IL1RAPL1: variants seen among roughly 807,000 people sequenced by gnomAD.
IL1RAPL1 encodes the protein interleukin 1 receptor accessory protein like 1, also known as interleukin-1 receptor accessory protein-like 1.
A neutral mutation model predicts 48.4 loss-of-function variants in IL1RAPL1; 3 were observed. That is an observed-to-expected ratio of 0.06 (90% CI 0.03 to 0.16). The LOEUF (loss-of-function observed/expected upper bound fraction) is 0.16, where lower values mean the gene tolerates loss of function less well. IL1RAPL1 is among the 10% of genes least tolerant of loss of function. The pLI, the probability that IL1RAPL1 is intolerant of heterozygous loss-of-function variation, is 1.00. For synonymous variants in IL1RAPL1, 185 were observed against 187.7 expected, an observed-to-expected ratio of 0.99 and a Z score of 0.12; for missense variants, 349 against 530.6, an observed-to-expected ratio of 0.66 and a Z score of 3.36.
chrX:28,945,887 G>GTGTA (rs1555943996), intron 2 of IL1RAPL1, among the ~76,000 whole-genome samples: 5 of 58,429 alleles, frequency 8.6e-5, no homozygotes, highest in Admixed American at 1.7e-4. Context: ...ATATATGTAT[G>GTGTA]TATATATATA....
intron 5 of IL1RAPL1, among the ~76,000 whole-genome samples, chrX:29,403,388 C>T (rs1418964476): frequency 9.1e-6 from 1 of 109,552 alleles, no homozygotes; most frequent in African/African-American, 3.3e-5. Flanking sequence ...TACTTTCCTA[C>T]TTTCTGGCCC....
intron 5 of IL1RAPL1, among the ~76,000 whole-genome samples, chrX:29,582,349 C>T (rs5927831): frequency 0.37 from 32,654 of 88,822 alleles, 3,729 homozygotes; most frequent in South Asian, 0.53. Flanking sequence ...AAGATAGCAT[C>T]TTTTTTTTTT....
intron 2 of IL1RAPL1, among the ~76,000 whole-genome samples, chrX:28,842,358 G>A (rs1372801161): frequency 1.8e-5 from 2 of 110,951 alleles, no homozygotes; most frequent in Admixed American, 1.9e-4. Context: ...GATTCAACCT[G>A]TATAAAAAAT....
chrX:29,519,473 G>A (rs764691695), intron 5 of IL1RAPL1, among the ~76,000 whole-genome samples: 16 of 111,659 alleles, frequency 1.4e-4, no homozygotes, highest in African/African-American at 4.9e-4. Context: ...ATCAACACTG[G>A]TCACTGCAGC....
In IL1RAPL1 at chrX:29,148,966, A is replaced by G. The variant is rs1929405517; in HGVS notation, c.83-133972A>G. On this transcript the variant is annotated intron_variant, in intron 2 of 10. Coordinates refer to ENST00000378993, the MANE Select transcript of IL1RAPL1 (RefSeq NM_014271.4). Reference sequence around the variant, plus strand: ...AGTCCTGTCAATACCAGCACTCTGAAGTCTTGCCCTGCTTGATAATCATTT... The same window carrying G: ...AGTCCTGTCAATACCAGCACTCTGAGGTCTTGCCCTGCTTGATAATCATTT... 3.6e-5 allele frequency among the ~76,000 whole-genome samples: 4 copies of G among 111,233 alleles called. No homozygotes were observed. The South Asian group carries it at 1.1e-3, about 32-fold the overall frequency.
chrX:28,775,092 T>G (rs938784310), intron 1 of IL1RAPL1, among the ~76,000 whole-genome samples: 2 of 112,199 alleles, frequency 1.8e-5, no homozygotes, highest in Non-Finnish European at 3.8e-5. Context: ...TTTTCTTCCT[T>G]TCTTTTGTTC....
chrX:28,779,717 C>T (rs1046843380), intron 1 of IL1RAPL1, among the ~76,000 whole-genome samples: 1 of 92,292 alleles, frequency 1.1e-5, no homozygotes, highest in African/African-American at 3.9e-5. Flanking sequence ...TAGCGTATTG[C>T]TCATCTTAAA....
intron 2 of IL1RAPL1, among the ~76,000 whole-genome samples, chrX:29,087,691 A>T (rs1044381783): frequency 3.6e-5 from 4 of 112,248 alleles, no homozygotes; most frequent in Non-Finnish European, 3.8e-5. Flanking sequence ...CATATTTCAC[A>T]CATTATAAAA....
At chrX:29,345,758 T>C (rs1439997517) in intron 3 of IL1RAPL1, among the ~76,000 whole-genome samples, 2 of 111,529 alleles carry the variant, frequency 1.8e-5, no homozygotes, top group Non-Finnish European at 3.8e-5. Context: ...CCATCTAGCA[T>C]TTATTTTGTG....
At chrX:29,406,355 C>T (rs1338021087) in intron 5 of IL1RAPL1, among the ~76,000 whole-genome samples, 3 of 108,395 alleles carry the variant, frequency 2.8e-5, no homozygotes, top group South Asian at 8.1e-4. Context: ...CGACACTGCA[C>T]TCCAGACTGG....
intron 5 of IL1RAPL1, among the ~76,000 whole-genome samples, chrX:29,484,774 T>C (rs1347731286): frequency 8.9e-6 from 1 of 111,878 alleles, no homozygotes; most frequent in Non-Finnish European, 1.9e-5. Context: ...GCTTCCTTTT[T>C]AGTGGGGAAG....
At chrX:29,872,167 T>G (rs1014579403) in intron 6 of IL1RAPL1, among the ~76,000 whole-genome samples, 3 of 112,088 alleles carry the variant, frequency 2.7e-5, no homozygotes, top group African/African-American at 9.7e-5. Context: ...AGAGAATTAG[T>G]ATTGGTGGTG....
At chrX:28,992,502 G>GAAAAAAAAAAAAAAAAAAAAAAAAA (rs60650174) in intron 2 of IL1RAPL1, among the ~76,000 whole-genome samples, 2 of 49,596 alleles carry the variant, frequency 4.0e-5, no homozygotes, top group African/African-American at 7.3e-5. Flanking sequence ...AAAAAAAAAA[G>GAAAAAAAAAAAAAAAAAAAAAAAAA]AAAAAAAAAA....
intron 1 of IL1RAPL1, among the ~76,000 whole-genome samples, chrX:28,725,096 C>T (rs1473270424): frequency 5.7e-5 from 3 of 52,636 alleles, no homozygotes; most frequent in Admixed American, 2.3e-4. Context: ...GGACTATAGG[C>T]GCCCGCACCA....
chrX:29,366,856 T>C (rs997470909), intron 3 of IL1RAPL1, among the ~76,000 whole-genome samples: 7 of 111,375 alleles, frequency 6.3e-5, no homozygotes, highest in African/African-American at 1.3e-4. Flanking sequence ...CGTGAGCCAC[T>C]GCGCCCGGCC....
intron 5 of IL1RAPL1, among the ~76,000 whole-genome samples, chrX:29,516,682 A>T (rs1042220504): frequency 9.0e-6 from 1 of 110,796 alleles, no homozygotes; most frequent in Admixed American, 9.6e-5. Context: ...TGTATTCTTG[A>T]TGGACATTTG....
chrX:29,709,153 A>G (rs992415778), intron 6 of IL1RAPL1, among the ~76,000 whole-genome samples: 6 of 111,641 alleles, frequency 5.4e-5, no homozygotes, highest in African/African-American at 9.7e-5. Flanking sequence ...ATGCAATCCT[A>G]TCTGTCTTGT....
intron 2 of IL1RAPL1, among the ~76,000 whole-genome samples, chrX:28,812,492 G>T (rs1480703219): frequency 9.1e-6 from 1 of 110,399 alleles, no homozygotes; most frequent in Non-Finnish European, 1.9e-5. Context: ...TAATTAAAAT[G>T]TCAAACTTAA....
chrX:29,772,978 G>A (rs780625701), intron 6 of IL1RAPL1, among the ~76,000 whole-genome samples: 3 of 111,442 alleles, frequency 2.7e-5, no homozygotes, highest in African/African-American at 9.8e-5. Flanking sequence ...AAAAAATCAT[G>A]TGGAAGAGAG....
Sources: allele counts gnomAD v4.1 joint callset (sites outside exome capture counted in the v4.1 genomes callset), GRCh38; gene constraint gnomAD v4.1.1; transcripts MANE v1.5; gene names NCBI Gene and HGNC (gene_info 2026-07-23, HGNC 2026-07-21).